DAW1: variants seen among roughly 807,000 people sequenced by gnomAD.
DAW1 encodes the protein dynein assembly factor with WD repeats 1, also known as dynein assembly factor with WD repeat domains 1.
Under a neutral mutation model 56.5 loss-of-function variants are expected in DAW1, and 47 were observed. The ratio of observed to expected loss-of-function variants is 0.83; its 90% CI spans 0.66 to 1.06. The LOEUF (loss-of-function observed/expected upper bound fraction) is 1.06, where lower values mean the gene tolerates loss of function less well. Among genes scored for constraint, DAW1 ranks in the 50% least tolerant of loss-of-function variants. The pLI is 0.00. For missense variants in DAW1, 505 were observed against 499.3 expected (o/e 1.01, Z -0.11); for synonymous variants, 190 against 179.0 (o/e 1.06, Z -0.49).
intron 10 of DAW1, among the ~76,000 whole-genome samples, chr2:227,916,352 A>G (rs573325592): frequency 3.7e-4 from 57 of 152,268 alleles, no homozygotes; most frequent in Non-Finnish European, 7.6e-4. Flanking sequence ...CTTGACAACT[A>G]TATATGGTGC....
chr2:227,914,805 T>C (rs1691913749), intron 10 of DAW1, among the ~76,000 whole-genome samples: 1 of 152,134 alleles, frequency 6.6e-6, no homozygotes, highest in South Asian at 2.1e-4. Flanking sequence ...ATCAATATGA[T>C]ATCTGTCTTA....
At chr2:227,892,109 T>C (rs1435633727) in intron 4 of DAW1, among the ~76,000 whole-genome samples, 1 of 152,040 alleles carries the variant, frequency 6.6e-6, no homozygotes, top group Non-Finnish European at 1.5e-5. Context: ...CCCACCCTAC[T>C]GCGGCATGAT....
rs989766124 is a variant in DAW1, at chr2:227,902,505, G to T, written c.541-497G>T. 2.6e-5 allele frequency among the ~76,000 whole-genome samples: 4 copies of T among 152,080 alleles called. No homozygotes were observed. In the East Asian group the frequency reaches 7.7e-4, roughly 29 times the overall value. ...AATCTTCTAGAGAAGATAATACTAA[G>T]GTCCATGGTGTGGCCATGGGAGAGA... On this transcript the variant is annotated intron_variant, in intron 6 of 12. Coordinates refer to ENST00000309931, the MANE Select transcript of DAW1 (RefSeq NM_178821.3).
chr2:227,918,935 C>G, intron 11 of DAW1, 79 bp downstream of exon 11: 2 of 1,367,454 alleles, frequency 1.5e-6, no homozygotes, highest in Non-Finnish European at 2.1e-6. Flanking sequence ...TGCCTCACAC[C>G]TATAATCCCA....
intron 1 of DAW1, among the ~76,000 whole-genome samples, chr2:227,876,909 ATT>A (rs1690897432): frequency 6.6e-6 from 1 of 152,244 alleles, no homozygotes; most frequent in Admixed American, 6.5e-5. Flanking sequence ...AGGAGAAGGA[ATT>A]AAGTCAACAT....
intron 10 of DAW1, among the ~76,000 whole-genome samples, chr2:227,911,960 C>T (rs1018603193): frequency 3.3e-5 from 5 of 152,124 alleles, no homozygotes; most frequent in Non-Finnish European, 7.3e-5. Flanking sequence ...GACACTTATG[C>T]CCCTATACTA....
chr2:227,873,598 G>T (rs571291792), intron 1 of DAW1, among the ~76,000 whole-genome samples: 44 of 152,312 alleles, frequency 2.9e-4, no homozygotes, highest in African/African-American at 8.4e-4. Flanking sequence ...TTGTAGAAAA[G>T]ACATGCATTT....
At chr2:227,894,299 C>T (rs985082710) in intron 5 of DAW1, among the ~76,000 whole-genome samples, 1 of 151,936 alleles carries the variant, frequency 6.6e-6, no homozygotes, top group African/African-American at 2.4e-5. Flanking sequence ...GCCTGTAGTC[C>T]CAGCTACTCG....
At chr2:227,882,179 A>G (rs888159960) in intron 1 of DAW1, among the ~76,000 whole-genome samples, 2 of 152,254 alleles carry the variant, frequency 1.3e-5, no homozygotes, top group Non-Finnish European at 2.9e-5. Context: ...ACTATGGTCT[A>G]TAGCAGTGAT....
intron 2 of DAW1, among the ~76,000 whole-genome samples, chr2:227,888,588 C>T (rs1691184020): frequency 6.6e-6 from 1 of 152,174 alleles, no homozygotes; most frequent in Non-Finnish European, 1.5e-5. Context: ...GCAGCCCTGG[C>T]CTGGAATGCC....
chr2:227,876,422 C>T, intron 1 of DAW1: 1 of 1,300,972 alleles, frequency 7.7e-7, no homozygotes. Context: ...GCATGCTTGA[C>T]ATTTAATTTC....
chr2:227,885,397 C>G lies in DAW1; in HGVS notation c.87C>G (p.Ser29=), dbSNP rs1286986035. 3.1e-6 allele frequency: 5 copies of G among 1,601,714 alleles called. No individual in the cohort carries two copies. The highest frequency in any genetic ancestry group is 4.3e-6 in the Non-Finnish European group (5 of 1,175,562). ...AACATGGAGAATTAAAGACTAAGTC[C>G]ATAGATTTGCTTGATCTTGGTCCCA... is the stretch of plus-strand genomic sequence containing the variant. ...YEKHGELKTK[S]IDLLDLGPST... The change falls in exon 2 of 13, where the codon TCC becomes TCG. Residue 29 remains serine (S), a synonymous_variant. Transcript: ENST00000309931.
chr2:227,916,767 A>T (rs994831762), intron 10 of DAW1, among the ~76,000 whole-genome samples: 8 of 152,282 alleles, frequency 5.3e-5, no homozygotes, highest in African/African-American at 1.9e-4. Context: ...CCTGAACTTG[A>T]CAGTGATCAC....
intron 1 of DAW1, among the ~76,000 whole-genome samples, chr2:227,883,815 A>G (rs887156152): frequency 6.6e-6 from 1 of 152,234 alleles, no homozygotes; most frequent in Non-Finnish European, 1.5e-5. Context: ...TTATTTTTAC[A>G]AAAACTTTAT....
chr2:227,879,793 T>A (rs1690968732), intron 1 of DAW1, among the ~76,000 whole-genome samples: 1 of 152,146 alleles, frequency 6.6e-6, no homozygotes, highest in Admixed American at 6.5e-5. Flanking sequence ...TCTTTCTCTG[T>A]TAATTTGAAA....
At chr2:227,876,617 C>A in intron 1 of DAW1, 1 of 670,114 alleles carries the variant, frequency 1.5e-6, no homozygotes, top group Non-Finnish European at 2.1e-6. Context: ...CTCTAATTTT[C>A]GCCCTCCCAC....
chr2:227,877,364 G>T (rs1690904701), intron 1 of DAW1, among the ~76,000 whole-genome samples: 1 of 152,206 alleles, frequency 6.6e-6, no homozygotes, highest in Admixed American at 6.5e-5. Flanking sequence ...TGTTGGCCAG[G>T]CTGGTCTCAA....
At chr2:227,887,269 A>G (rs890608059) in intron 2 of DAW1, among the ~76,000 whole-genome samples, 4 of 152,238 alleles carry the variant, frequency 2.6e-5, no homozygotes, top group Non-Finnish European at 5.9e-5. Context: ...TTCAGAAAAG[A>G]TGAGGCCTAA....
In DAW1 at chr2:227,874,833, C is replaced by T. The variant is rs540957122; in HGVS notation, c.40+3104C>T. On this transcript the variant is annotated intron_variant, in intron 1 of 12. Coordinates refer to ENST00000309931, the MANE Select transcript of DAW1 (RefSeq NM_178821.3). Reference sequence around the variant, plus strand: ...AAACAATTAGCCAGGTGTGGTGGTGCGGGTCTGTAATCCCAGCTACTCAGG... The same window carrying T: ...AAACAATTAGCCAGGTGTGGTGGTGTGGGTCTGTAATCCCAGCTACTCAGG... Among the ~76,000 whole-genome samples, 8 of 151,948 alleles carry T rather than the reference C, an allele frequency of 5.3e-5. No homozygotes were observed. In the East Asian group the frequency reaches 1.4e-3, roughly 26 times the overall value.
Sources: gnomAD v4.1 joint callset for allele counts (sites outside exome capture counted in the v4.1 genomes callset) on GRCh38, gnomAD v4.1.1 for gene constraint, MANE v1.5 for transcripts, NCBI Gene and HGNC (gene_info 2026-07-23, HGNC 2026-07-21) for gene names.